KCNMA1: variants seen among roughly 807,000 people sequenced by gnomAD.
KCNMA1 encodes potassium calcium-activated channel subfamily M alpha 1.
A neutral mutation model predicts 140.0 loss-of-function variants in KCNMA1; 29 were observed. The ratio of observed to expected loss-of-function variants is 0.21; its 90% CI spans 0.15 to 0.28. KCNMA1 has a LOEUF of 0.28. Ranked by LOEUF, KCNMA1 falls within the 10% of genes least tolerant of loss-of-function variation. The pLI is 1.00. For synonymous variants in KCNMA1, 612 were observed against 611.9 expected (o/e 1.00, Z 0.00); for missense variants, 880 against 1,602.2 (o/e 0.55, Z 7.70).
chr10:77,083,501 TAAAAAAA>T (rs35527205), intron 12 of KCNMA1, among the ~76,000 whole-genome samples: 1 of 91,394 alleles, frequency 1.1e-5, no homozygotes, highest in Non-Finnish European at 2.1e-5. Flanking sequence ...AGATGTTCTG[TAAAAAAA>T]AAAAAAAAAA....
intron 1 of KCNMA1, among the ~76,000 whole-genome samples, chr10:77,422,373 A>G (rs2096885859): frequency 6.6e-6 from 1 of 152,234 alleles, no homozygotes; most frequent in Non-Finnish European, 1.5e-5. Flanking sequence ...GCTGATGGCT[A>G]GGGGAACCCC....
At chr10:76,889,426 G>T in intron 27 of KCNMA1, 25 bp downstream of exon 27, 1 of 1,427,734 alleles carries the variant, frequency 7.0e-7, no homozygotes, top group Non-Finnish European at 9.9e-7. Context: ...TTAGGTGGGA[G>T]GGCAGAGTTG....
intron 16 of KCNMA1, chr10:77,020,841 A>T (rs557570162): frequency 1.3e-5 from 2 of 152,236 alleles, no homozygotes; most frequent in South Asian, 4.1e-4. Context: ...TTGGGTCCAA[A>T]TTCCAACACT....
chr10:76,959,479 TATTCAATGG>T (rs2070000946), intron 20 of KCNMA1, among the ~76,000 whole-genome samples: 2 of 152,354 alleles, frequency 1.3e-5, no homozygotes, highest in South Asian at 4.1e-4. Context: ...TCATTAGCAT[TATTCAATGG>T]ATTCCATTTG....
intron 2 of KCNMA1, among the ~76,000 whole-genome samples, chr10:77,380,442 T>C (rs931131613): frequency 2.6e-5 from 4 of 152,156 alleles, no homozygotes; most frequent in African/African-American, 9.7e-5. Context: ...TTTCCTTCCT[T>C]CATTTTATTC....
chr10:77,319,606 T>G (rs547082054), intron 2 of KCNMA1, among the ~76,000 whole-genome samples: 28 of 152,358 alleles, frequency 1.8e-4, no homozygotes, highest in Admixed American at 1.8e-3. Context: ...GTCCTCTTTC[T>G]GGGCAATTGT....
At chr10:76,935,524 G>C (rs573954782) in intron 23 of KCNMA1, among the ~76,000 whole-genome samples, 81 of 152,174 alleles carry the variant, frequency 5.3e-4, no homozygotes, top group Non-Finnish European at 1.1e-3. Context: ...TTTCTCAACT[G>C]TAAAATGAAG....
At chr10:77,212,577 A>C (rs1333551782) in intron 3 of KCNMA1, among the ~76,000 whole-genome samples, 1 of 152,168 alleles carries the variant, frequency 6.6e-6, no homozygotes, top group Non-Finnish European at 1.5e-5. Context: ...ACTGAAATTA[A>C]AAATATATAT....
At position 77,073,166 on chromosome 10, in the gene KCNMA1, G is replaced by T. The variant is rs2229008; in HGVS notation, c.1680C>A (p.Ala560=). Residue 560 remains alanine, a synonymous_variant, in exon 14 of 28, where the codon GCC becomes GCA. Transcript: ENST00000286628. ...CLAELKLGFI[A]QSCLAQGLST... The stretch of plus-strand genomic sequence containing the variant: ...AGAGGCCTTGAGCCAGGCAGCTCTG[G>T]GCTATGAAGCCCAACTTCAACTCTG... 8.7e-5 allele frequency: 140 copies of T among 1,614,188 alleles called. 3 individuals are homozygous for T. In the East Asian group the frequency reaches 1.8e-3, roughly 21 times the overall value.
At chr10:77,391,634 T>C (rs1431001563) in intron 2 of KCNMA1, among the ~76,000 whole-genome samples, 1 of 151,836 alleles carries the variant, frequency 6.6e-6, no homozygotes, top group African/African-American at 2.4e-5. Flanking sequence ...GTTTGTTTGT[T>C]TGTTTGTTTG....
At chr10:77,545,286 T>C (rs1412857042) in intron 1 of KCNMA1, among the ~76,000 whole-genome samples, 2 of 152,254 alleles carry the variant, frequency 1.3e-5, no homozygotes, top group African/African-American at 4.8e-5. Context: ...TATGCATTTT[T>C]CAATTTATCT....
Position 76,944,795 on chromosome 10 carries a change from T to C in KCNMA1, c.2880A>G (p.Gly960=), listed in dbSNP as rs2063493739. Residue 960 remains glycine (G), a synonymous_variant, in exon 23 of 28, where the codon GGA becomes GGG. Transcript: ENST00000286628. ...TACCTTGGGAATTAGCCTGCAAGACTCCGATGCTGTCATCAAACTGCATAG... is the reference window on the plus strand; with the variant it reads ...TACCTTGGGAATTAGCCTGCAAGACCCCGATGCTGTCATCAAACTGCATAG... ...IKSMQFDDSI[G]VLQANSQGFT... is the part of the protein sequence containing the mutation. The C allele has an allele frequency of 2.5e-6, 4 of 1,614,130 alleles. No individual in the cohort carries two copies. The highest frequency in any genetic ancestry group is 3.4e-6 in the Non-Finnish European group (4 of 1,180,002).
chr10:77,548,120 T>C (rs112574226), intron 1 of KCNMA1, among the ~76,000 whole-genome samples: 7 of 151,214 alleles, frequency 4.6e-5, no homozygotes, highest in East Asian at 3.9e-4. Flanking sequence ...GGTATAGTCT[T>C]ATATGGAGGG....
intron 1 of KCNMA1, among the ~76,000 whole-genome samples, chr10:77,472,288 TCACA>T (rs1385120572): frequency 8.6e-6 from 1 of 115,814 alleles, no homozygotes; most frequent in Non-Finnish European, 1.9e-5. Context: ...TATGCACATG[TCACA>T]CACACATCAC....
chr10:76,974,214 C>A, intron 19 of KCNMA1: 1 of 397,584 alleles, frequency 2.5e-6, no homozygotes, highest in Non-Finnish European at 4.5e-6. Context: ...AAGAGTCATG[C>A]AAAGTGGTTT....
intron 20 of KCNMA1, among the ~76,000 whole-genome samples, chr10:76,959,298 G>C (rs1294070762): frequency 2.0e-5 from 3 of 152,210 alleles, no homozygotes; most frequent in Non-Finnish European, 4.4e-5. Context: ...GTGTTCAGGG[G>C]TTGATACCAC....
chr10:77,529,630 G>A (rs1462203536), intron 1 of KCNMA1, among the ~76,000 whole-genome samples: 1 of 152,082 alleles, frequency 6.6e-6, no homozygotes, highest in Admixed American at 6.6e-5. Context: ...CTATTATCTA[G>A]AAGTCATGAG....
intron 1 of KCNMA1, among the ~76,000 whole-genome samples, chr10:77,443,951 T>C (rs181146162): frequency 2.0e-5 from 3 of 152,324 alleles, no homozygotes; most frequent in Non-Finnish European, 2.9e-5. Context: ...TTTAATATGA[T>C]AGATATCCCA....
intron 1 of KCNMA1, among the ~76,000 whole-genome samples, chr10:77,541,004 C>CA (rs11433642): frequency 0.59 from 85,954 of 145,688 alleles, 26,014 homozygotes; most frequent in East Asian, 0.8. Context: ...GACTTCCTCT[C>CA]AAAAAAAAAA....
Sources: allele counts gnomAD v4.1 joint callset (sites outside exome capture counted in the v4.1 genomes callset), GRCh38; gene constraint gnomAD v4.1.1; transcripts MANE v1.5; gene names NCBI Gene and HGNC (gene_info 2026-07-23, HGNC 2026-07-21).